Variants in CAMK1D observed in about 807,000 individuals in gnomAD.
CAMK1D encodes the protein calcium/calmodulin dependent protein kinase ID.
A neutral mutation model predicts 47.7 loss-of-function variants in CAMK1D; 9 were observed. The ratio of observed to expected loss-of-function variants is 0.19; its 90% CI spans 0.11 to 0.33. The LOEUF is 0.33. Ranked by LOEUF, CAMK1D falls within the 10% of genes least tolerant of loss-of-function variation. CAMK1D has a pLI of 1.00. For synonymous variants in CAMK1D, 184 were observed against 184.9 expected (o/e 0.99, Z 0.04); for missense variants, 291 against 488.7 (o/e 0.60, Z 3.81).
intron 1 of CAMK1D, among the ~76,000 whole-genome samples, chr10:12,522,297 A>G (rs1404287224): frequency 7.1e-6 from 1 of 141,392 alleles, no homozygotes; most frequent in Non-Finnish European, 1.5e-5. Flanking sequence ...TCAGCAGACA[A>G]ACAAGTGAAC....
intron 5 of CAMK1D, among the ~76,000 whole-genome samples, chr10:12,782,672 A>G (rs1837552382): frequency 6.6e-6 from 1 of 152,192 alleles, no homozygotes; most frequent in Non-Finnish European, 1.5e-5. Flanking sequence ...TTCCTGGTGG[A>G]AGTTCCTCAA....
intron 3 of CAMK1D, among the ~76,000 whole-genome samples, chr10:12,730,944 A>G (rs1834854689): frequency 6.6e-6 from 1 of 152,226 alleles, no homozygotes; most frequent in Non-Finnish European, 1.5e-5. Context: ...GAGGATTTAA[A>G]TGTGAGAATG....
intron 3 of CAMK1D, among the ~76,000 whole-genome samples, chr10:12,677,839 G>T (rs900650433): frequency 2.0e-5 from 3 of 152,184 alleles, no homozygotes; most frequent in African/African-American, 4.8e-5. Flanking sequence ...TCTGGCTGGG[G>T]TCAGTGGTAA....
intron 2 of CAMK1D, among the ~76,000 whole-genome samples, chr10:12,591,343 G>A (rs1028450029): frequency 2.0e-5 from 3 of 152,014 alleles, no homozygotes; most frequent in African/African-American, 4.8e-5. Context: ...TTCCAACTTC[G>A]GACCAAACAG....
intron 4 of CAMK1D, among the ~76,000 whole-genome samples, chr10:12,765,929 C>T (rs938206378): frequency 6.8e-6 from 1 of 147,142 alleles, no homozygotes; most frequent in Non-Finnish European, 1.5e-5. Flanking sequence ...TTCCATAGGG[C>T]ATGAAAAGCT....
At chr10:12,394,345 C>A (rs918999486) in intron 1 of CAMK1D, among the ~76,000 whole-genome samples, 1 of 152,108 alleles carries the variant, frequency 6.6e-6, no homozygotes, top group African/African-American at 2.4e-5. Flanking sequence ...TATGGAGATT[C>A]CATGATTGAT....
intron 3 of CAMK1D, among the ~76,000 whole-genome samples, chr10:12,668,997 C>T (rs1336035712): frequency 2.6e-5 from 4 of 152,060 alleles, no homozygotes; most frequent in East Asian, 1.9e-4. Flanking sequence ...TTTGGGAGTT[C>T]GAGGCTGGCA....
intron 1 of CAMK1D, among the ~76,000 whole-genome samples, chr10:12,464,194 TCCC>T (rs1269635378): frequency 3.9e-5 from 6 of 152,160 alleles, no homozygotes; most frequent in Admixed American, 6.5e-5. Flanking sequence ...CCCCTCTTTG[TCCC>T]GTGGTTGTTG....
At chr10:12,591,936 AC>A in intron 2 of CAMK1D, among the ~76,000 whole-genome samples, 1 of 151,202 alleles carries the variant, frequency 6.6e-6, no homozygotes, top group East Asian at 1.9e-4. Context: ...CTTGTGATCC[AC>A]CCCCTCGGCC....
At chr10:12,666,684 A>C (rs1840441894) in intron 2 of CAMK1D, 52 bp from the exon 3 acceptor site, 2 of 1,423,758 alleles carry the variant, frequency 1.4e-6, no homozygotes, top group Non-Finnish European at 2.0e-6. Flanking sequence ...GTTTTGAAAC[A>C]TTTTCCTATC....
intron 3 of CAMK1D, among the ~76,000 whole-genome samples, chr10:12,743,355 A>AAAAAAAAAAAAAAAAAAAAAAAAAAAAAG (rs1461631779): frequency 8.5e-6 from 1 of 118,144 alleles, no homozygotes; most frequent in African/African-American, 2.8e-5. Context: ...TCAAAAAAAA[A>AAAAAAAAAAAAAAAAAAAAAAAAAAAAAG]AAAAGAAAAA....
chr10:12,556,678 A>G (rs1289689976), intron 2 of CAMK1D, among the ~76,000 whole-genome samples: 2 of 152,172 alleles, frequency 1.3e-5, no homozygotes, highest in Non-Finnish European at 2.9e-5. Context: ...CTAAGGTTGG[A>G]GAGGTGGGAT....
At chr10:12,434,925 A>G (rs1401687167) in intron 1 of CAMK1D, among the ~76,000 whole-genome samples, 2 of 152,026 alleles carry the variant, frequency 1.3e-5, no homozygotes, top group Non-Finnish European at 2.9e-5. Context: ...AGGAATCAGG[A>G]GGGGAGGGAA....
intron 3 of CAMK1D, among the ~76,000 whole-genome samples, chr10:12,728,570 C>T (rs963740185): frequency 6.6e-6 from 1 of 152,118 alleles, no homozygotes; most frequent in Non-Finnish European, 1.5e-5. Context: ...TCCAGTATTG[C>T]ACTGTTGGTG....
At chr10:12,578,309 G>A (rs1331448882) in intron 2 of CAMK1D, among the ~76,000 whole-genome samples, 1 of 152,148 alleles carries the variant, frequency 6.6e-6, no homozygotes, top group Non-Finnish European at 1.5e-5. Flanking sequence ...ACTTTGGAAG[G>A]CTTAGGCAGC....
intron 1 of CAMK1D, among the ~76,000 whole-genome samples, chr10:12,379,914 T>TA (rs1007005104): frequency 5.3e-5 from 8 of 151,868 alleles, no homozygotes; most frequent in South Asian, 4.2e-4. Flanking sequence ...GGAGGACTTT[T>TA]AAAAAAAAGG....
chr10:12,513,964 C>G lies in CAMK1D; in HGVS notation c.93-39261C>G, dbSNP rs536745046. Among the ~76,000 whole-genome samples the G allele has an allele frequency of 1.0e-3, 154 of 152,308 alleles. 2 individuals are homozygous for G. Among genetic ancestry groups the G allele is most frequent in the Middle Eastern group, 3.4e-3 (1 of 294 alleles). ...GTGTTCACTTCAAACATTTATGCCTCTCTGTTCGCTTGACTGCAGCGGTGG... is the reference window on the plus strand; with the variant it reads ...GTGTTCACTTCAAACATTTATGCCTGTCTGTTCGCTTGACTGCAGCGGTGG... On this transcript the variant is annotated intron_variant, in intron 1 of 10. Transcript: ENST00000619168.
rs371701815 is a variant in CAMK1D at position 12,522,693 on chromosome 10, G to A, written c.93-30532G>A. ...AAAACCGCCATTGTCATCATGGCCC[G>A]TTCTCAATGAGCTGTTGGGTACACC... On this transcript the variant is annotated intron_variant, in intron 1 of 10. Coordinates refer to ENST00000619168, the MANE Select transcript of CAMK1D (RefSeq NM_153498.4). Among the ~76,000 whole-genome samples, 5 of 151,814 alleles carry A rather than the reference G, an allele frequency of 3.3e-5. No homozygotes were observed. The East Asian group carries it at 9.7e-4, about 29-fold the overall frequency.
intron 7 of CAMK1D, among the ~76,000 whole-genome samples, chr10:12,815,325 A>G (rs1328201236): frequency 6.6e-6 from 1 of 152,260 alleles, no homozygotes; most frequent in Non-Finnish European, 1.5e-5. Flanking sequence ...AGAGCATAGC[A>G]GAAGGATGAA....
Sources: gnomAD v4.1 joint callset for allele counts (sites outside exome capture counted in the v4.1 genomes callset) on GRCh38, gnomAD v4.1.1 for gene constraint, MANE v1.5 for transcripts, NCBI Gene and HGNC (gene_info 2026-07-23, HGNC 2026-07-21) for gene names.